Variants in RPA3 observed in about 807,000 individuals in gnomAD.
The protein encoded by RPA3 is replication protein A3.
Under a neutral mutation model 13.7 loss-of-function variants are expected in RPA3, and 24 were observed. The observed-to-expected ratio is 1.75, with a 90% CI of 1.27 to 2.46. The LOEUF is 2.46. Among genes scored for constraint, RPA3 ranks in the 30% most tolerant of loss-of-function variants. RPA3 has a pLI of 0.00. For missense variants in RPA3, 183 were observed against 151.0 expected (o/e 1.21, Z -1.11); for synonymous variants, 59 against 51.2 (o/e 1.15, Z -0.65).
At chr7:7,638,089 G>A (rs1444707464) in intron 6 of RPA3, 117 bp from the exon 7 acceptor site, 1 of 618,448 alleles carries the variant, frequency 1.6e-6, no homozygotes, top group Non-Finnish European at 2.7e-6. Flanking sequence ...GTAATTTTAA[G>A]AATTACCAGT....
chr7:7,661,391 C>G (rs1038280399), intron 4 of RPA3, among the ~76,000 whole-genome samples: 1 of 152,130 alleles, frequency 6.6e-6, no homozygotes, highest in South Asian at 2.1e-4. Flanking sequence ...AAGGGGCATT[C>G]TGGTTTTTGG....
At chr7:7,702,469 T>A (rs1353177923) in intron 2 of RPA3, among the ~76,000 whole-genome samples, 1 of 152,198 alleles carries the variant, frequency 6.6e-6, no homozygotes, top group East Asian at 1.9e-4. Context: ...AACCTGGCTT[T>A]CAAGTACACT....
intron 5 of RPA3, 129 bp downstream of exon 5, chr7:7,640,191 T>C: frequency 1.0e-6 from 1 of 983,308 alleles, no homozygotes; most frequent in Non-Finnish European, 1.6e-6. Context: ...AAAAAGTTCC[T>C]TGTGCAAAAT....
chr7:7,697,485 T>A (rs1780349395), intron 2 of RPA3, among the ~76,000 whole-genome samples: 1 of 152,250 alleles, frequency 6.6e-6, no homozygotes, highest in Non-Finnish European at 1.5e-5. Flanking sequence ...ATGGCTAATG[T>A]AAAATTCATT....
intron 4 of RPA3, among the ~76,000 whole-genome samples, chr7:7,682,108 C>G (rs938347279): frequency 1.2e-4 from 18 of 152,076 alleles, no homozygotes; most frequent in African/African-American, 3.4e-4. Flanking sequence ...AATTGGGTTA[C>G]AGTACAAGGG....
chr7:7,684,061 C>T (rs1779980680), intron 4 of RPA3, among the ~76,000 whole-genome samples: 1 of 152,212 alleles, frequency 6.6e-6, no homozygotes, highest in African/African-American at 2.4e-5. Context: ...ATGTGACCTA[C>T]ATACATCCTC....
intron 4 of RPA3, among the ~76,000 whole-genome samples, chr7:7,667,780 C>T (rs776274882): frequency 7.2e-5 from 11 of 152,168 alleles, no homozygotes; most frequent in South Asian, 2.1e-4. Context: ...CCAACACAGA[C>T]GTCCTAAGTG....
intron 4 of RPA3, among the ~76,000 whole-genome samples, chr7:7,648,511 AT>A (rs1446013400): frequency 6.6e-6 from 1 of 152,130 alleles, no homozygotes; most frequent in East Asian, 1.9e-4. Flanking sequence ...GTCTTAGTCT[AT>A]GTAGTGTTGC....
chr7:7,713,183 A>G (rs952828088), intron 2 of RPA3, among the ~76,000 whole-genome samples: 93 of 145,068 alleles, frequency 6.4e-4, no homozygotes, highest in Admixed American at 3.9e-3. Context: ...CTAAAAATAC[A>G]AAAAAAAAAA....
chr7:7,646,080 G>A (rs1384070129), intron 4 of RPA3, among the ~76,000 whole-genome samples: 1 of 152,182 alleles, frequency 6.6e-6, no homozygotes, highest in Non-Finnish European at 1.5e-5. Context: ...GTGTCTAGGG[G>A]CGTTACAGTG....
chr7:7,686,980 G>A lies in RPA3; in HGVS notation c.-927+248C>T, dbSNP rs541095371. On this transcript the variant is annotated intron_variant, in intron 3 of 7. Transcript: ENST00000223129. Reference sequence around the variant, plus strand: ...TCTAAGACCATGAGAACTAGGGTACGTTGTAAGGATAGCTGAAGAGTGAAG... The same window carrying A: ...TCTAAGACCATGAGAACTAGGGTACATTGTAAGGATAGCTGAAGAGTGAAG... Among the ~76,000 whole-genome samples the A allele has an allele frequency of 6.6e-5, 10 of 152,318 alleles. No homozygotes were observed. In the South Asian group the frequency reaches 1.0e-3, roughly 16 times the overall value.
chr7:7,666,011 C>A (rs1455044486), intron 4 of RPA3, among the ~76,000 whole-genome samples: 1 of 151,476 alleles, frequency 6.6e-6, no homozygotes, highest in Non-Finnish European at 1.5e-5. Flanking sequence ...AAGTGTGGAC[C>A]TACGTTTTCA....
At chr7:7,673,125 T>TAAATTGG (rs1489419632) in intron 4 of RPA3, among the ~76,000 whole-genome samples, 2 of 152,196 alleles carry the variant, frequency 1.3e-5, no homozygotes, top group Admixed American at 1.3e-4. Flanking sequence ...TACAGGAGTT[T>TAAATTGG]AAATTGGAAG....
intron 2 of RPA3, among the ~76,000 whole-genome samples, chr7:7,709,240 T>G (rs1780687579): frequency 6.6e-6 from 1 of 152,226 alleles, no homozygotes; most frequent in Non-Finnish European, 1.5e-5. Flanking sequence ...AATAATGTTA[T>G]GCATGGGGTT....
intron 2 of RPA3, among the ~76,000 whole-genome samples, chr7:7,701,319 A>G (rs1476462237): frequency 6.6e-6 from 1 of 152,182 alleles, no homozygotes; most frequent in Non-Finnish European, 1.5e-5. Context: ...AAACTAGGTT[A>G]GGGGACCTTA....
chr7:7,717,521 G>C (rs1780948799), intron 1 of RPA3, among the ~76,000 whole-genome samples: 1 of 152,150 alleles, frequency 6.6e-6, no homozygotes, highest in South Asian at 2.1e-4. Context: ...TTATTGTTTT[G>C]AAGTAAAATG....
chr7:7,693,704 C>T (rs1291457267), intron 2 of RPA3, among the ~76,000 whole-genome samples: 2 of 151,952 alleles, frequency 1.3e-5, no homozygotes, highest in Non-Finnish European at 2.9e-5. Flanking sequence ...GACTTTATTA[C>T]AATTTTAATA....
intron 4 of RPA3, among the ~76,000 whole-genome samples, chr7:7,647,271 A>G (rs1785118870): frequency 6.6e-6 from 1 of 152,152 alleles, no homozygotes; most frequent in Admixed American, 6.5e-5. Flanking sequence ...TTCAAAATGT[A>G]TAGGTTTTAT....
chr7:7,675,620 C>T (rs921157924), intron 4 of RPA3, among the ~76,000 whole-genome samples: 13 of 152,128 alleles, frequency 8.5e-5, no homozygotes, highest in Admixed American at 2.6e-4. Context: ...AAGGAATTTC[C>T]GGGACCTAAT....
Sources: allele counts gnomAD v4.1 joint callset (sites outside exome capture counted in the v4.1 genomes callset), GRCh38; gene constraint gnomAD v4.1.1; transcripts MANE v1.5; gene names NCBI Gene and HGNC (gene_info 2026-07-23, HGNC 2026-07-21).